The following TMPRSS9 variants were observed in gnomAD, a reference collection of about 807,000 sequenced individuals.
TMPRSS9 encodes transmembrane serine protease 9.
In TMPRSS9, 113 loss-of-function variants were observed where a neutral mutation model predicts 111.4. That is an observed-to-expected ratio of 1.01 (90% CI 0.87 to 1.19). The LOEUF (loss-of-function observed/expected upper bound fraction) is 1.19. Among genes scored for constraint, TMPRSS9 ranks in the 50% most tolerant of loss-of-function variants. The pLI is 0.00. For synonymous variants in TMPRSS9, 805 were observed against 659.1 expected (o/e 1.22, Z -3.39); for missense variants, 1,803 against 1,513.1 (o/e 1.19, Z -3.18).
At position 2,425,510 on chromosome 19, in the gene TMPRSS9, C is replaced by T. The variant is rs1971600048; in HGVS notation, c.3120+17C>T. On this transcript the variant is annotated intron_variant, in intron 17 of 17. Coordinates refer to ENST00000648592, the Ensembl canonical transcript of TMPRSS9. ...AGCTGCTCGGTGAGCCCCGCCCCGGCCCAGGGGACCAGGTCCCGCCCAGCC... is the reference window on the plus strand; with the variant it reads ...AGCTGCTCGGTGAGCCCCGCCCCGGTCCAGGGGACCAGGTCCCGCCCAGCC... The T allele has an allele frequency of 1.9e-6, 3 of 1,554,246 alleles. No individual in the cohort carries two copies. The highest frequency in any genetic ancestry group is 1.8e-4 in the Middle Eastern group (1 of 5,494).
chr19:2,424,311 C>T (rs1971543618), intron 15 of TMPRSS9, 54 bp downstream of exon 16: 3 of 1,295,158 alleles, frequency 2.3e-6, no homozygotes, highest in Middle Eastern at 4.1e-4. Flanking sequence ...TCACCCGGAA[C>T]CGAACTGTTG....
intron 2 of TMPRSS9, among the ~76,000 whole-genome samples, chr19:2,398,572 T>C (rs541946794): frequency 6.6e-6 from 1 of 151,856 alleles, no homozygotes. Context: ...GAGTGGAGAA[T>C]GCACTACTGC....
intron 1 of TMPRSS9, among the ~76,000 whole-genome samples, chr19:2,362,413 G>A (rs1970208093): frequency 6.6e-6 from 1 of 151,958 alleles, no homozygotes; most frequent in South Asian, 2.1e-4. Context: ...GTGTAATTGT[G>A]TGTATGGGTG....
At chr19:2,364,876 G>A (rs1970236304) in intron 1 of TMPRSS9, among the ~76,000 whole-genome samples, 1 of 151,946 alleles carries the variant, frequency 6.6e-6, no homozygotes, top group Admixed American at 6.6e-5. Flanking sequence ...AATCTCGGGA[G>A]GCTGAAGCAG....
chr19:2,374,722 A>G (rs1970317622), intron 1 of TMPRSS9, among the ~76,000 whole-genome samples: 1 of 151,984 alleles, frequency 6.6e-6, no homozygotes, highest in Non-Finnish European at 1.5e-5. Flanking sequence ...TTCTCCTCTG[A>G]CCACCGGCTG....
intron 11 of TMPRSS9, 62 bp downstream of exon 12, chr19:2,415,903 C>T (rs2145378859): frequency 6.6e-7 from 1 of 1,505,748 alleles, no homozygotes. Flanking sequence ...CCCTCCCTGT[C>T]AGAAACCATC....
At chr19:2,401,772 T>A (rs2145325346) in intron 4 of TMPRSS9, among the ~76,000 whole-genome samples, 1 of 151,606 alleles carries the variant, frequency 6.6e-6, no homozygotes, top group South Asian at 2.1e-4. Context: ...CACACCCGTC[T>A]AATTTTTGTA....
exon 11 of TMPRSS9, chr19:2,415,689 A>T (rs1384132934): frequency 3.7e-6 from 6 of 1,602,124 alleles, no homozygotes; most frequent in Non-Finnish European, 5.1e-6. Context: ...CCAGGCCTGC[A>T]ATGGAGAAGC....
rs774571666 is a variant in TMPRSS9, at chr19:2,408,520, T to TG, written c.1008dup (p.Pro337AlafsTer66). 3.7e-6 allele frequency: 6 copies of TG among 1,613,844 alleles called. No homozygotes were observed. In the South Asian group the frequency reaches 6.6e-5, roughly 18 times the overall value. ...GCTGTGCTGGAGCTGACCAGCCCTCTGCCTTTCGGCCGGCACATCCAGCCC... is the reference window on the plus strand; with the variant it reads ...GCTGTGCTGGAGCTGACCAGCCCTCTGGCCTTTCGGCCGGCACATCCAGCCC... On this transcript the variant is annotated frameshift_variant, in exon 8 of 18. Coordinates refer to ENST00000648592, the Ensembl canonical transcript of TMPRSS9. LOFTEE classifies it high-confidence loss of function.
chr19:2,391,901 C>T (rs1024562486), intron 1 of TMPRSS9, among the ~76,000 whole-genome samples: 4 of 151,892 alleles, frequency 2.6e-5, no homozygotes, highest in South Asian at 2.1e-4. Flanking sequence ...GCCACTACGC[C>T]GAGCTAATTT....
chr19:2,387,463 C>G (rs1209956787), upstream of TMPRSS9, among the ~76,000 whole-genome samples: 1 of 151,510 alleles, frequency 6.6e-6, no homozygotes, highest in Non-Finnish European at 1.5e-5. Flanking sequence ...CCACTGCACT[C>G]CAGCCAGGTC....
chr19:2,389,727 A>G (rs942532910), upstream of TMPRSS9: 5 of 1,559,566 alleles, frequency 3.2e-6, no homozygotes, highest in African/African-American at 6.8e-5. Flanking sequence ...TCAGCCTCTG[A>G]CCCCGTGTTT....
intron 6 of TMPRSS9, among the ~76,000 whole-genome samples, chr19:2,403,779 G>A (rs1257830028): frequency 6.6e-6 from 1 of 151,844 alleles, no homozygotes; most frequent in African/African-American, 2.4e-5. Flanking sequence ...AGATCACGAG[G>A]TCAGGAGATC....
chr19:2,378,095 G>A (rs1355593287), intron 1 of TMPRSS9, among the ~76,000 whole-genome samples: 2 of 151,990 alleles, frequency 1.3e-5, no homozygotes, highest in Non-Finnish European at 2.9e-5. Context: ...GCCCAGGCTG[G>A]TCTCAAACTC....
rs144012247 is a variant in TMPRSS9, at chr19:2,372,639, G to A, written c.-26+12279G>A. 1.3e-3 allele frequency among the ~76,000 whole-genome samples: 199 copies of A among 152,274 alleles called. 3 individuals carry two copies. The highest frequency in any genetic ancestry group is 4.0e-3 in the African/African-American group (167 of 41,550). Reference sequence around the variant, plus strand: ...TTAAAACGCTCGCTTGTCTGAGACCGGCTGTCTCCATTGCATCTGAGTGAT... The same window carrying A: ...TTAAAACGCTCGCTTGTCTGAGACCAGCTGTCTCCATTGCATCTGAGTGAT... On this transcript the variant is annotated intron_variant, in intron 1 of 17. Transcript: ENST00000649857.
At chr19:2,408,690 A>T (rs923934782) in intron 8 of TMPRSS9, 60 bp downstream of exon 9, 2 of 1,566,420 alleles carry the variant, frequency 1.3e-6, no homozygotes, top group Non-Finnish European at 1.7e-6. Context: ...AATAACGCAG[A>T]AAAGGGCCAG....
rs554101817 is a variant in TMPRSS9 at position 2,420,549 on chromosome 19, C to G, written c.2155-1305C>G. Among the ~76,000 whole-genome samples, 5 of 152,150 alleles carry G rather than the reference C, an allele frequency of 3.3e-5. No individual in the cohort carries two copies. In the South Asian group the frequency reaches 8.3e-4, roughly 25 times the overall value. ...ATCAATGACAGTGTAAATGCCCATT[C>G]ACACACAGTAGTTAAAAGGAAGGTG... is the stretch of plus-strand genomic sequence containing the variant. On this transcript the variant is annotated intron_variant, in intron 13 of 17. Coordinates refer to ENST00000648592, the Ensembl canonical transcript of TMPRSS9.
At chr19:2,424,534 G>GCCCCCCCCCCCCCCCCCCCCCCCCC (rs879741232) in intron 15 of TMPRSS9, among the ~76,000 whole-genome samples, 1 of 134,182 alleles carries the variant, frequency 7.5e-6, no homozygotes, top group African/African-American at 3.0e-5. Flanking sequence ...GGAAGCTGCG[G>GCCCCCCCCCCCCCCCCCCCCCCCCC]CCCCCCCCCT....
intron 13 of TMPRSS9, among the ~76,000 whole-genome samples, chr19:2,419,708 G>A (rs139729144): frequency 0.011 from 1,684 of 152,088 alleles, 7 homozygotes; most frequent in Admixed American, 0.018. Flanking sequence ...GTAGAGACGT[G>A]GTTTCACCAT....
Sources: allele counts gnomAD v4.1 joint callset (sites outside exome capture counted in the v4.1 genomes callset), GRCh38; gene constraint gnomAD v4.1.1; transcripts MANE v1.5; gene names NCBI Gene and HGNC (gene_info 2026-07-23, HGNC 2026-07-21).